Variants in NKAIN3 observed in about 807,000 individuals in gnomAD.
NKAIN3 encodes sodium/potassium-transporting ATPase subunit beta-1-interacting protein 3.
In NKAIN3, 25 loss-of-function variants were observed where a neutral mutation model predicts 30.2. The observed-to-expected ratio is 0.83, with a 90% CI of 0.60 to 1.16. The LOEUF is 1.16. Among genes scored for constraint, NKAIN3 ranks in the 50% most tolerant of loss-of-function variants. NKAIN3 has a pLI of 0.00. For missense variants in NKAIN3, 225 were observed against 254.1 expected (o/e 0.89, Z 0.78); for synonymous variants, 91 against 89.6 (o/e 1.02, Z -0.09).
chr8:62,865,263 G>C (rs1056812611), intron 4 of NKAIN3, among the ~76,000 whole-genome samples: 1 of 152,124 alleles, frequency 6.6e-6, no homozygotes, highest in African/African-American at 2.4e-5. Context: ...CAGAAAAAAC[G>C]ATCCTCAGCT....
chr8:62,916,113 A>C (rs1822093382), intron 4 of NKAIN3, among the ~76,000 whole-genome samples: 1 of 147,244 alleles, frequency 6.8e-6, no homozygotes, highest in South Asian at 2.2e-4. Context: ...CTTTCCAAAA[A>C]CCAATAATGT....
chr8:62,914,351 A>T (rs1323962237), intron 4 of NKAIN3, among the ~76,000 whole-genome samples: 1 of 152,158 alleles, frequency 6.6e-6, no homozygotes, highest in Non-Finnish European at 1.5e-5. Context: ...TTGAGGGTAG[A>T]GGATGGGAGG....
chr8:62,255,947 A>T (rs1356159337), intron 1 of NKAIN3, among the ~76,000 whole-genome samples: 1 of 152,170 alleles, frequency 6.6e-6, no homozygotes, highest in Non-Finnish European at 1.5e-5. Flanking sequence ...ATTCTGAGGT[A>T]GATCGAGGTT....
Position 62,965,636 on chromosome 8 carries a change from AGAAAAAAC to A in NKAIN3, c.*230_*237del, listed in dbSNP as rs1287004224. 4 of 967,218 alleles carry A rather than the reference AGAAAAAAC, an allele frequency of 4.1e-6. No homozygotes were observed. In the African/African-American group the frequency reaches 5.3e-5, roughly 13 times the overall value. 59.9% of individuals were successfully genotyped at this position (967,218 alleles called of 1,614,324 possible). Reference sequence around the variant, plus strand: ...TGTAAGTTGTAAAAAAAAAAAAAAAAGAAAAAACAGAATTTGGTTTTAAATTTTTAACA... The same window carrying A: ...TGTAAGTTGTAAAAAAAAAAAAAAAAAGAATTTGGTTTTAAATTTTTAACA... On this transcript the variant is annotated 3_prime_UTR_variant, in exon 7 of 7. Coordinates refer to ENST00000623646, the MANE Select transcript of NKAIN3 (RefSeq NM_001304533.3).
rs1022348079 is a variant in NKAIN3, at chr8:62,305,049, G to A, written c.54+55922G>A. Among the ~76,000 whole-genome samples the A allele has an allele frequency of 1.1e-4, 17 of 150,486 alleles. 2 individuals carry two copies. Among genetic ancestry groups the A allele is most frequent in the African/African-American group, 4.3e-4 (17 of 39,920 alleles). ...TTATCAGCTGGTTTAAAGATCAGAA[G>A]GAGGGTCTGTAAAGGAAATAGTACA... On this transcript the variant is annotated intron_variant, in intron 1 of 6. Coordinates refer to ENST00000623646, the MANE Select transcript of NKAIN3 (RefSeq NM_001304533.3).
intron 3 of NKAIN3, among the ~76,000 whole-genome samples, chr8:62,684,839 A>C (rs1813748014): frequency 6.6e-6 from 1 of 152,184 alleles, no homozygotes; most frequent in Non-Finnish European, 1.5e-5. Context: ...AGACCATATG[A>C]AGACAGCAGA....
At chr8:62,378,159 T>G (rs1206102630) in intron 1 of NKAIN3, among the ~76,000 whole-genome samples, 1 of 152,026 alleles carries the variant, frequency 6.6e-6, no homozygotes, top group African/African-American at 2.4e-5. Flanking sequence ...GGAACTGGAG[T>G]AAAGGTCACT....
chr8:62,969,935 C>T lies in NKAIN3; in HGVS notation c.*4528C>T, dbSNP rs1823795472. On this transcript the variant is annotated 3_prime_UTR_variant, in exon 7 of 7. Coordinates refer to ENST00000623646, the MANE Select transcript of NKAIN3 (RefSeq NM_001304533.3). Reference sequence around the variant, plus strand: ...GATGACCAGACACAGTGGCTCATGCCTGTAATCCCAAAGCTTTGGGAAGTT... The same window carrying T: ...GATGACCAGACACAGTGGCTCATGCTTGTAATCCCAAAGCTTTGGGAAGTT... Among the ~76,000 whole-genome samples, 1 of 152,112 alleles carries T rather than the reference C, an allele frequency of 6.6e-6. No homozygotes were observed. Among genetic ancestry groups the T allele is most frequent in the Admixed American group, 6.6e-5 (1 of 15,254 alleles).
At chr8:62,739,654 A>G (rs1815800652) in intron 3 of NKAIN3, among the ~76,000 whole-genome samples, 1 of 152,204 alleles carries the variant, frequency 6.6e-6, no homozygotes, top group Admixed American at 6.5e-5. Flanking sequence ...ATGGATGGAT[A>G]AGGCTTCATT....
At chr8:62,788,852 C>T (rs563057236) in intron 4 of NKAIN3, among the ~76,000 whole-genome samples, 92 of 151,936 alleles carry the variant, frequency 6.1e-4, no homozygotes, top group African/African-American at 1.8e-3. Context: ...TGTAGATATG[C>T]GGCATTATTT....
At chr8:62,639,853 G>C (rs963071817) in intron 3 of NKAIN3, among the ~76,000 whole-genome samples, 3 of 151,994 alleles carry the variant, frequency 2.0e-5, no homozygotes, top group African/African-American at 7.2e-5. Flanking sequence ...GGCCATAACT[G>C]ATGAGGAAAA....
rs180800859 is a variant in NKAIN3, at chr8:62,253,871, A to T, written c.54+4744A>T. ...CTGAAATATATTTCTTTTACTATGT[A>T]TTTATACTGATACTTTGGCTTTGAC... On this transcript the variant is annotated intron_variant, in intron 1 of 6. Transcript: ENST00000623646. 4.9e-3 allele frequency among the ~76,000 whole-genome samples: 749 copies of T among 152,260 alleles called. 8 individuals carry two copies. Among genetic ancestry groups the T allele is most frequent in the African/African-American group, 0.017 (720 of 41,550 alleles).
intron 3 of NKAIN3, among the ~76,000 whole-genome samples, chr8:62,651,280 A>T (rs562633273): frequency 6.6e-6 from 1 of 152,316 alleles, no homozygotes; most frequent in African/African-American, 2.4e-5. Flanking sequence ...GCATGATAAA[A>T]AGGTGCCACA....
At chr8:62,382,074 C>T (rs1261808028) in intron 1 of NKAIN3, among the ~76,000 whole-genome samples, 1 of 152,074 alleles carries the variant, frequency 6.6e-6, no homozygotes, top group Non-Finnish European at 1.5e-5. Flanking sequence ...TGACACCATG[C>T]ACAGTTGAAA....
At chr8:62,990,532 T>C (rs1824301094) in intron 5 of NKAIN3, 2 of 316,628 alleles carry the variant, frequency 6.3e-6, no homozygotes, top group South Asian at 1.3e-4. Context: ...ATTTATGATT[T>C]GTGAAATCTG....
chr8:62,520,057 C>T (rs1808109072), intron 1 of NKAIN3, among the ~76,000 whole-genome samples: 1 of 152,082 alleles, frequency 6.6e-6, no homozygotes, highest in Admixed American at 6.6e-5. Context: ...AACAAACAAA[C>T]AAACAAAAAC....
intron 3 of NKAIN3, among the ~76,000 whole-genome samples, chr8:62,691,308 G>T (rs1158378767): frequency 2.0e-5 from 3 of 152,046 alleles, no homozygotes; most frequent in African/African-American, 7.2e-5. Context: ...AAGGTAACCC[G>T]AGAAAGAGGA....
At chr8:62,419,727 A>C (rs556620698) in intron 1 of NKAIN3, among the ~76,000 whole-genome samples, 4 of 152,298 alleles carry the variant, frequency 2.6e-5, no homozygotes, top group Non-Finnish European at 5.9e-5. Context: ...GCTGGCTGCC[A>C]TTCATAGGAA....
Position 62,953,965 on chromosome 8 carries a change from T to C in NKAIN3, c.596T>C (p.Val199Ala), listed in dbSNP as rs185531582. 1.0e-4 allele frequency: 97 copies of C among 974,314 alleles called. 1 individual carries two copies. The East Asian group carries it at 7.4e-3, about 74-fold the overall frequency. The allele number at this position is 974,314 out of a possible 1,614,324, so 60.4% of individuals were successfully genotyped here. Residue 199 changes from valine to alanine, a missense_variant, in exon 6 of 7, where the codon GTT becomes GCT. Coordinates refer to ENST00000623646, the MANE Select transcript of NKAIN3 (RefSeq NM_001304533.3). ...YYQDHVELKP[V>A]KPVEISNDIE... is the part of the protein sequence containing the mutation. ...CAGGATCATGTTGAGTTAAAGCCTG[T>C]TAAACCAGTAAGTAAAGGTGTGATG...
Sources: gnomAD v4.1 joint callset for allele counts (sites outside exome capture counted in the v4.1 genomes callset) on GRCh38, gnomAD v4.1.1 for gene constraint, MANE v1.5 for transcripts, NCBI Gene and HGNC (gene_info 2026-07-23, HGNC 2026-07-21) for gene names.